KNDC1: variants seen among roughly 807,000 people sequenced by gnomAD.
KNDC1 encodes kinase non-catalytic C-lobe domain-containing protein 1.
A neutral mutation model predicts 172.8 loss-of-function variants in KNDC1; 106 were observed. The observed-to-expected ratio is 0.61, with a 90% confidence interval of 0.52 to 0.72. The LOEUF is 0.72. Ranked by LOEUF, KNDC1 falls within the 30% of genes least tolerant of loss-of-function variation. KNDC1 has a pLI of 0.00. For missense variants in KNDC1, 2,325 were observed against 2,394.5 expected (o/e 0.97, Z 0.61); for synonymous variants, 1,083 against 1,062.2 (o/e 1.02, Z -0.38).
At position 133,197,761 on chromosome 10, in the gene KNDC1, C is replaced by T; in HGVS notation, c.1899C>T (p.Pro633=). The change falls in exon 12 of 30, where the codon CCC becomes CCT. Residue 633 remains proline (P), a synonymous_variant. Transcript: ENST00000304613. ...CCAGTGTGGCACCAGCCCCAGAGCC[C>T]AGCCCAGGTGGGGACCTGACCAGCC... is the stretch of plus-strand genomic sequence containing the variant. ...LKPSVAPAPE[P]SPGFLPVNSD... The T allele has an allele frequency of 6.2e-7, 1 of 1,611,528 alleles. No homozygotes were observed.
rs369763768 is a variant in KNDC1 at position 133,199,419 on chromosome 10, G to A, written c.2759-39G>A. The A allele has an allele frequency of 1.9e-6, 3 of 1,605,500 alleles. No individual in the cohort carries two copies. In the African/African-American group the frequency reaches 4.0e-5, roughly 21 times the overall value. On this transcript the variant is annotated intron_variant, in intron 14 of 29. Transcript: ENST00000304613. ...ACAAGGGAACCAGATGAGCAGCCCT[G>A]CCACCATCTCACTTGTCTCCATCGT...
chr10:133,160,646 G>A, intron 1 of KNDC1, 77 bp downstream of exon 1: 1 of 961,726 alleles, frequency 1.0e-6, no homozygotes, highest in Non-Finnish European at 1.5e-6. Flanking sequence ...GAGGACCCGG[G>A]AGGGGCTGTG....
chr10:133,212,674 G>A lies in KNDC1; in HGVS notation c.4237-42G>A, dbSNP rs781727451. The A allele has an allele frequency of 1.5e-5, 23 of 1,570,818 alleles. No homozygotes were observed. In the South Asian group the frequency reaches 2.0e-4, roughly 14 times the overall value. Reference sequence around the variant, plus strand: ...CTCCCTGGACCCCTGACCCAGAGGGGACACGGAGCTTAGGCCCCTCAGTGC... The same window carrying A: ...CTCCCTGGACCCCTGACCCAGAGGGAACACGGAGCTTAGGCCCCTCAGTGC... On this transcript the variant is annotated intron_variant, in intron 23 of 29. Transcript: ENST00000304613.
intron 5 of KNDC1, among the ~76,000 whole-genome samples, chr10:133,185,110 C>G (rs1014318023): frequency 6.6e-6 from 1 of 152,240 alleles, no homozygotes; most frequent in Non-Finnish European, 1.5e-5. Context: ...GCCCTCCCTG[C>G]TGAATGAGCA....
At chr10:133,188,477 C>T in intron 6 of KNDC1, 62 bp from the exon 7 acceptor site, 5 of 1,116,708 alleles carry the variant, frequency 4.5e-6, no homozygotes, top group Non-Finnish European at 6.5e-6. Context: ...GGACATGCCT[C>T]TCCAGGCGGC....
At chr10:133,186,757 T>A in intron 6 of KNDC1, 83 bp downstream of exon 6, 1 of 930,834 alleles carries the variant, frequency 1.1e-6, no homozygotes, top group Non-Finnish European at 1.6e-6. Context: ...ATGCAAACGC[T>A]TTGTTTAACT....
Position 133,224,921 on chromosome 10 carries a change from T to C in KNDC1, c.*31T>C, listed in dbSNP as rs368698105. 400 of 1,531,752 alleles carry C rather than the reference T, an allele frequency of 2.6e-4. No homozygotes were observed. The highest frequency in any genetic ancestry group is 3.5e-4 in the Non-Finnish European group (385 of 1,109,160). 94.9% of individuals were successfully genotyped at this position (1,531,752 alleles called of 1,614,324 possible). A position where few individuals can be genotyped will look rare whatever the true frequency, so the allele number is the denominator to read the frequency against. ...CTCGGGCCTGGTGTGGAATTCCAGA[T>C]CCGAATCCGACTGTGGGGGGCGGGC... On this transcript the variant is annotated 3_prime_UTR_variant, in exon 30 of 30. Coordinates refer to ENST00000304613, the MANE Select transcript of KNDC1 (RefSeq NM_152643.8). This position sits in a 1 kb window ranked among gnomAD's most constrained non-coding sequence, Gnocchi z 5.4.
At chr10:133,199,705 G>T (rs554751459) in intron 15 of KNDC1, 103 bp downstream of exon 15, 2 of 1,300,620 alleles carry the variant, frequency 1.5e-6, no homozygotes, top group Non-Finnish European at 2.1e-6. Context: ...CCAACCCTCC[G>T]CTTCCATCTC....
intron 23 of KNDC1, among the ~76,000 whole-genome samples, 185 bp from the exon 24 acceptor site, chr10:133,212,531 G>A (rs1358610656): frequency 6.6e-6 from 1 of 152,244 alleles, no homozygotes; most frequent in African/African-American, 2.4e-5. Flanking sequence ...AAACGACCAG[G>A]ACAGGCATCC....
intron 3 of KNDC1, among the ~76,000 whole-genome samples, chr10:133,182,831 G>A (rs927937688): frequency 7.2e-5 from 11 of 152,140 alleles, no homozygotes; most frequent in African/African-American, 2.2e-4. Flanking sequence ...CGGCGAGGGC[G>A]CGGGCAGTGT....
chr10:133,172,252 C>T (rs958015747), intron 3 of KNDC1, among the ~76,000 whole-genome samples: 2 of 152,212 alleles, frequency 1.3e-5, no homozygotes, highest in Non-Finnish European at 1.5e-5. Context: ...GCCTCCACCG[C>T]GAGTCCCCCT....
chr10:133,224,969 A>G lies in KNDC1; in HGVS notation c.*79A>G. 3 of 1,194,942 alleles carry G rather than the reference A, an allele frequency of 2.5e-6. No individual in the cohort carries two copies. The South Asian group carries it at 4.0e-5, about 16-fold the overall frequency. The allele number at this position is 1,194,942 out of a possible 1,614,324, so 74.0% of individuals were successfully genotyped here. A position where few individuals can be genotyped will look rare whatever the true frequency, so the allele number is the denominator to read the frequency against. The stretch of plus-strand genomic sequence containing the variant: ...GGCTGGGAGGTGGGAGCCGCGTCTC[A>G]GGCCCGGCCGTTATCAAGGCCCCTC... On this transcript the variant is annotated 3_prime_UTR_variant, in exon 30 of 30. Coordinates refer to ENST00000304613, the MANE Select transcript of KNDC1 (RefSeq NM_152643.8). The surrounding 1 kb of genome is among the most constrained non-coding windows in gnomAD (Gnocchi z 5.4).
chr10:133,184,535 A>G (rs988807469), intron 5 of KNDC1, among the ~76,000 whole-genome samples: 5 of 152,242 alleles, frequency 3.3e-5, no homozygotes, highest in African/African-American at 1.2e-4. Flanking sequence ...AGTCACACAC[A>G]TGAAAATTCA....
At chr10:133,173,495 T>G (rs1452925078) in intron 3 of KNDC1, among the ~76,000 whole-genome samples, 2 of 152,228 alleles carry the variant, frequency 1.3e-5, no homozygotes, top group African/African-American at 4.8e-5. Context: ...CTTCTAATTT[T>G]TTTTTTTATT....
chr10:133,222,264 T>C (rs140169777), intron 29 of KNDC1, among the ~76,000 whole-genome samples: 63,203 of 142,188 alleles, frequency 0.44, 14,173 homozygotes, highest in East Asian at 0.65. Context: ...GCCTGGGCGA[T>C]AGAGCGAGAC....
At chr10:133,215,139 G>A (rs1270191077) in intron 26 of KNDC1, among the ~76,000 whole-genome samples, 1 of 152,126 alleles carries the variant, frequency 6.6e-6, no homozygotes, top group Non-Finnish European at 1.5e-5. Flanking sequence ...GCAGGTAGAC[G>A]CCCACCCCCT....
Position 133,186,471 on chromosome 10 carries a change from C to A in KNDC1, c.1123C>A (p.Arg375=). ...GCAGGAGCCGGAACACCAGCTGGGA[C>A]GGGTTCCCTGTGCAGGCCGCAGCAC... ...PEQEPEHQLG[R]VPCAGRSTDR... Residue 375 remains arginine, a synonymous_variant, in exon 6 of 30, where the codon CGG becomes AGG. Transcript: ENST00000304613. 1.2e-6 allele frequency: 2 copies of A among 1,612,284 alleles called. No homozygotes were observed. The highest frequency in any genetic ancestry group is 2.2e-5 in the South Asian group (2 of 91,052).
chr10:133,187,651 C>T (rs58576349), intron 6 of KNDC1, among the ~76,000 whole-genome samples: 2,093 of 152,330 alleles, frequency 0.014, 44 homozygotes, highest in African/African-American at 0.043. Context: ...ACAGGGTGGC[C>T]GAGCCACCTG....
Position 133,186,786 on chromosome 10 carries a change from C to T in KNDC1, c.1326+112C>T. On this transcript the variant is annotated intron_variant, in intron 6 of 29. Coordinates refer to ENST00000304613, the MANE Select transcript of KNDC1 (RefSeq NM_152643.8). ...TTTAACTCAGAGAATTAACCTTCACCCTCGCTCCATAATTAAAGACATTTT... is the reference window on the plus strand; with the variant it reads ...TTTAACTCAGAGAATTAACCTTCACTCTCGCTCCATAATTAAAGACATTTT... 3 of 739,354 alleles carry T rather than the reference C, an allele frequency of 4.1e-6. No homozygotes were observed. The South Asian group carries it at 5.9e-5, about 14-fold the overall frequency. 45.8% of individuals were successfully genotyped at this position (739,354 alleles called of 1,614,324 possible).
Sources: gnomAD v4.1 joint callset for allele counts (sites outside exome capture counted in the v4.1 genomes callset) on GRCh38, gnomAD v4.1.1 for gene constraint, Gnocchi (gnomAD v3.1) non-coding constraint, MANE v1.5 for transcripts, NCBI Gene and HGNC (gene_info 2026-07-23, HGNC 2026-07-21) for gene names.